The following CIITA variants were observed in gnomAD, a reference collection of about 807,000 sequenced individuals.
CIITA encodes the protein MHC class II transactivator.
Under a neutral mutation model 115.1 loss-of-function variants are expected in CIITA, and 72 were observed. That is an observed-to-expected ratio of 0.63 (90% CI 0.52 to 0.76). CIITA has a LOEUF of 0.76. Ranked by LOEUF, CIITA falls within the 30% of genes least tolerant of loss-of-function variation. The pLI is 0.00. For missense variants in CIITA, 1,617 were observed against 1,463.8 expected, an observed-to-expected ratio of 1.10 and a Z score of -1.71; for synonymous variants, 763 against 635.6, an observed-to-expected ratio of 1.20 and a Z score of -3.02.
chr16:10,923,743 G>A lies in CIITA; in HGVS notation c.*23-135G>A, dbSNP rs146015902. On this transcript the variant is annotated intron_variant, in intron 19 of 19. Transcript: ENST00000324288. This position sits in a 1 kb window ranked among gnomAD's most constrained non-coding sequence, Gnocchi z 5.2. ...ACTGTCCCCCAGCCCTGTGCTCCCC[G>A]CACTGTGCTGCACGTCCACCTCCAT... 86 of 203,766 alleles carry A rather than the reference G, an allele frequency of 4.2e-4. No individual in the cohort carries two copies. Among genetic ancestry groups the A allele is most frequent in the African/African-American group, 1.7e-3 (74 of 43,098 alleles). The allele number at this position is 203,766 out of a possible 1,614,324, so 12.6% of individuals were successfully genotyped here.
Position 10,906,633 on chromosome 16 carries a change from G to T in CIITA, c.1141G>T (p.Glu381Ter), listed in dbSNP as rs137852602. ...ERSSSKSLER[E>*]LATPDWAERQ... ...GAGCAGCAGCAAGAGCCTGGAGCGG[G>T]AACTGGCCACCCCGGACTGGGCAGA... Residue 381 changes from glutamate (E) to a stop codon, truncating the protein, a stop_gained, in exon 11 of 20, where the codon GAA becomes TAA. Coordinates refer to ENST00000324288, the MANE Select transcript of CIITA (RefSeq NM_000246.4). LOFTEE classifies it high-confidence loss of function. 1 of 1,613,922 alleles carries T rather than the reference G, an allele frequency of 6.2e-7. No individual in the cohort carries two copies. The highest frequency in any genetic ancestry group is 8.5e-7 in the Non-Finnish European group (1 of 1,179,986).
chr16:10,942,030 C>G lies in CIITA; in HGVS notation n.1156C>G. ...TGCAGCGGGTGGCAAGGGCGGCGGCCCGGCGATCCCGGCGAACTCAGCCGC... is the reference window on the plus strand; with the variant it reads ...TGCAGCGGGTGGCAAGGGCGGCGGCGCGGCGATCCCGGCGAACTCAGCCGC... On this transcript the variant is annotated non_coding_transcript_exon_variant, in exon 2 of 2. Coordinates refer to the CIITA transcript ENST00000573379. This position sits in a 1 kb window ranked among gnomAD's most constrained non-coding sequence, Gnocchi z 5.0. The G allele has an allele frequency of 2.9e-6, 4 of 1,375,244 alleles. No homozygotes were observed. The highest frequency in any genetic ancestry group is 3.8e-6 in the Non-Finnish European group (4 of 1,066,236). 85.2% of individuals were successfully genotyped at this position (1,375,244 alleles called of 1,614,324 possible). A position where few individuals can be genotyped will look rare whatever the true frequency, so the allele number is the denominator to read the frequency against.
At chr16:10,939,740 GT>G (rs1406520990), downstream of CIITA, 7 of 152,252 alleles carry the variant, frequency 4.6e-5, no homozygotes, top group Admixed American at 3.9e-4. The surrounding 1 kb of genome is among the most constrained non-coding windows in gnomAD (Gnocchi z 4.9). Context: ...GCCAGGCACA[GT>G]TTTAAGTGTT....
intron 15 of CIITA, among the ~76,000 whole-genome samples, chr16:10,917,552 T>G (rs2040023711): frequency 6.6e-6 from 1 of 151,836 alleles, no homozygotes; most frequent in African/African-American, 2.4e-5. Context: ...TACGATCTAT[T>G]TATTGCAAAC....
Position 10,942,221 on chromosome 16 carries a change from T to G in CIITA, n.1347T>G. On this transcript the variant is annotated non_coding_transcript_exon_variant, in exon 2 of 2. Coordinates refer to the CIITA transcript ENST00000573379. This position sits in a 1 kb window ranked among gnomAD's most constrained non-coding sequence, Gnocchi z 5.0. ...CCCGAGATGTGCCCCCAAGGATCTC[T>G]CGACCGCCCGGGCGGCGAGGCGGGC... is the stretch of plus-strand genomic sequence containing the variant. 6.2e-4 allele frequency: 237 copies of G among 385,056 alleles called. No individual in the cohort carries two copies. Among genetic ancestry groups the G allele is most frequent in the East Asian group, 1.2e-3 (25 of 20,356 alleles). The allele number at this position is 385,056 out of a possible 1,614,324, so 23.9% of individuals were successfully genotyped here.
chr16:10,904,918 C>T (rs1370260326), intron 10 of CIITA, 106 bp downstream of exon 10: 2 of 1,113,402 alleles, frequency 1.8e-6, no homozygotes, highest in Non-Finnish European at 2.7e-6. Flanking sequence ...TCTTTGTTGG[C>T]TCACACACTC....
At chr16:10,867,269 G>T (rs1385738414) in intron 1 of CIITA, among the ~76,000 whole-genome samples, 2 of 147,238 alleles carry the variant, frequency 1.4e-5, no homozygotes, top group African/African-American at 4.9e-5. Flanking sequence ...GAAATGGGGT[G>T]CAGAGAAAGG....
chr16:10,866,277 T>A (rs1316127238), exon 1 of CIITA: 1 of 559,856 alleles, frequency 1.8e-6, no homozygotes, highest in Non-Finnish European at 3.5e-6. Context: ...CTGCCCTGAC[T>A]CCAAGGGCTG....
chr16:10,909,080 G>C lies in CIITA; in HGVS notation c.2709G>C (p.Gly903=), dbSNP rs755515727. 1 of 1,614,136 alleles carries C rather than the reference G, an allele frequency of 6.2e-7. No homozygotes were observed. ...TGTGGGAGTCCCTGCAGCAGCATGGGGAGACCAAGCTACTTCAGGCAGCAG... is the reference window on the plus strand; with the variant it reads ...TGTGGGAGTCCCTGCAGCAGCATGGCGAGACCAAGCTACTTCAGGCAGCAG... ...VALWESLQQH[G]ETKLLQAAEE... Residue 903 remains glycine, a synonymous_variant, in exon 12 of 20, where the codon GGG becomes GGC. Coordinates refer to ENST00000324288, the MANE Select transcript of CIITA (RefSeq NM_000246.4).
intron 1 of CIITA, among the ~76,000 whole-genome samples, chr16:10,877,978 C>T (rs1395421696): frequency 6.6e-6 from 1 of 152,158 alleles, no homozygotes; most frequent in Admixed American, 6.5e-5. Context: ...GCAGCTACAC[C>T]GTTGGCTGGG....
chr16:10,884,051 G>C (rs988249476), intron 1 of CIITA, among the ~76,000 whole-genome samples: 2 of 152,214 alleles, frequency 1.3e-5, no homozygotes, highest in Non-Finnish European at 2.9e-5. Flanking sequence ...TACTCTTGGT[G>C]TTGTACATTC....
At position 10,923,342 on chromosome 16, in the gene CIITA, TGGGA is replaced by T; in HGVS notation, c.*22+21_*22+24del. 1.1e-6 allele frequency: 1 copy of T among 949,664 alleles called. No individual in the cohort carries two copies. The highest frequency in any genetic ancestry group is 1.7e-6 in the Non-Finnish European group (1 of 603,172). The allele number at this position is 949,664 out of a possible 1,614,324, so 58.8% of individuals were successfully genotyped here. On this transcript the variant is annotated intron_variant, in intron 19 of 19. Coordinates refer to ENST00000324288, the MANE Select transcript of CIITA (RefSeq NM_000246.4). This position sits in a 1 kb window ranked among gnomAD's most constrained non-coding sequence, Gnocchi z 5.2. ...CTGGACAGGGTAACCAGGGTGGGCTTGGGAGGGGAGAGCCGCAGTGGGTTGGGGG... is the reference window on the plus strand; with the variant it reads ...CTGGACAGGGTAACCAGGGTGGGCTTGGGGAGAGCCGCAGTGGGTTGGGGG...
intron 13 of CIITA, among the ~76,000 whole-genome samples, chr16:10,911,183 A>G (rs2039537255): frequency 6.7e-6 from 1 of 149,264 alleles, no homozygotes; most frequent in Non-Finnish European, 1.5e-5. Context: ...ATCTGTCAGA[A>G]TATAGCTTTT....
At chr16:10,895,194 C>G in intron 1 of CIITA, 88 bp from the exon 2 acceptor site, 1 of 1,484,308 alleles carries the variant, frequency 6.7e-7, no homozygotes, top group Non-Finnish European at 9.3e-7. Context: ...CATCCCCAGC[C>G]CTCACCAGCT....
At chr16:10,912,710 G>A (rs2144878458) in intron 13 of CIITA, among the ~76,000 whole-genome samples, 1 of 152,312 alleles carries the variant, frequency 6.6e-6, no homozygotes, top group South Asian at 2.1e-4. Context: ...AATAACTGAG[G>A]GCCCTTTCTG....
At chr16:10,910,139 C>A in intron 12 of CIITA, 49 bp from the exon 13 acceptor site, 3 of 1,533,934 alleles carry the variant, frequency 2.0e-6, no homozygotes, top group East Asian at 2.3e-5. Context: ...TGGGTAAGGG[C>A]TCAGTGACAG....
chr16:10,915,671 C>A, intron 14 of CIITA, 21 bp downstream of exon 14: 3 of 1,598,368 alleles, frequency 1.9e-6, no homozygotes, highest in Non-Finnish European at 2.6e-6. Flanking sequence ...ACTCTGGGAC[C>A]CCTTCCTCTC....
At chr16:10,922,773 A>G (rs192629298) in intron 18 of CIITA, among the ~76,000 whole-genome samples, 12 of 152,348 alleles carry the variant, frequency 7.9e-5, no homozygotes, top group Admixed American at 3.3e-4. Flanking sequence ...ATTAGGCTGA[A>G]CCATATGAAA....
chr16:10,903,808 C>A lies in CIITA; in HGVS notation c.850C>A (p.Pro284Thr). The A allele has an allele frequency of 6.2e-7, 1 of 1,614,220 alleles. No homozygotes were observed. Among genetic ancestry groups the A allele is most frequent in the South Asian group, 1.1e-5 (1 of 91,080 alleles). The part of the protein sequence containing the change: ...VHGLPTSPDR[P>T]GSTSPFAPSA... The stretch of plus-strand genomic sequence containing the variant: ...CGGCCTCCCAACATCTCCAGACCGG[C>A]CAGGCTCCACCAGCCCCTTCGCTCC... The change falls in exon 9 of 20, where the codon CCA (proline) becomes ACA (threonine). Residue 284 changes from proline to threonine, a missense_variant. Coordinates refer to ENST00000324288, the MANE Select transcript of CIITA (RefSeq NM_000246.4).
Sources: allele counts gnomAD v4.1 joint callset (sites outside exome capture counted in the v4.1 genomes callset), GRCh38; gene constraint gnomAD v4.1.1; non-coding constraint Gnocchi (gnomAD v3.1); transcripts MANE v1.5; gene names NCBI Gene and HGNC (gene_info 2026-07-23, HGNC 2026-07-21).